The following IL1RAPL1 variants were observed in gnomAD, a reference collection of about 807,000 sequenced individuals.
IL1RAPL1 encodes interleukin 1 receptor accessory protein like 1.
In IL1RAPL1, 3 loss-of-function variants were observed where a neutral mutation model predicts 48.4. The observed-to-expected ratio is 0.06, with a 90% CI of 0.03 to 0.16. IL1RAPL1 has a LOEUF of 0.16. Ranked by LOEUF, IL1RAPL1 falls within the 10% of genes least tolerant of loss-of-function variation. The probability of loss-of-function intolerance (pLI) is 1.00; values close to 1 mark genes in which losing one functional copy is unlikely to be tolerated. For synonymous variants in IL1RAPL1, 185 were observed against 187.7 expected, an observed-to-expected ratio of 0.99 and a Z score of 0.12; for missense variants, 349 against 530.6, an observed-to-expected ratio of 0.66 and a Z score of 3.36.
chrX:29,294,878 GATGACTGTAAATA>G (rs1932426813), intron 3 of IL1RAPL1, among the ~76,000 whole-genome samples: 2 of 110,998 alleles, frequency 1.8e-5, no homozygotes, highest in South Asian at 3.8e-4. Flanking sequence ...TAGTTAGAAG[GATGACTGTAAATA>G]ATGGTAAAAA....
intron 2 of IL1RAPL1, among the ~76,000 whole-genome samples, chrX:28,898,501 A>G (rs1301221425): frequency 1.8e-5 from 2 of 110,382 alleles, no homozygotes; most frequent in East Asian, 5.7e-4. Context: ...TTTTTTTTAG[A>G]GCAAGGTTTT....
chrX:28,596,494 T>C (rs756530140), intron 1 of IL1RAPL1, among the ~76,000 whole-genome samples: 2 of 110,599 alleles, frequency 1.8e-5, no homozygotes, highest in Non-Finnish European at 3.8e-5. Flanking sequence ...ACTGATGTCA[T>C]GTGTCTGGGC....
At chrX:29,921,091 C>T (rs1223922920) in intron 8 of IL1RAPL1, among the ~76,000 whole-genome samples, 7 of 112,046 alleles carry the variant, frequency 6.2e-5, no homozygotes, top group Non-Finnish European at 1.1e-4. Context: ...ACCCCATCAC[C>T]TTTTGCATAG....
At chrX:29,116,526 G>T (rs1928681064) in intron 2 of IL1RAPL1, among the ~76,000 whole-genome samples, 1 of 111,637 alleles carries the variant, frequency 9.0e-6, no homozygotes, top group Non-Finnish European at 1.9e-5. Flanking sequence ...TTGAACCAAG[G>T]TTACTGAAAT....
At chrX:29,164,037 C>T (rs751377317) in intron 2 of IL1RAPL1, among the ~76,000 whole-genome samples, 15 of 111,383 alleles carry the variant, frequency 1.3e-4, no homozygotes, top group Non-Finnish European at 2.6e-4. Flanking sequence ...AGGTGAAAAA[C>T]ATAAATGTCT....
intron 2 of IL1RAPL1, among the ~76,000 whole-genome samples, chrX:29,276,385 T>TA (rs1459091805): frequency 8.9e-6 from 1 of 112,358 alleles, no homozygotes; most frequent in Non-Finnish European, 1.9e-5. Context: ...AGTTCTGAAG[T>TA]ACACTCAATT....
At chrX:29,744,542 G>A (rs1006087871) in intron 6 of IL1RAPL1, among the ~76,000 whole-genome samples, 4 of 111,753 alleles carry the variant, frequency 3.6e-5, no homozygotes, top group Admixed American at 9.6e-5. Context: ...TATTTGCTGG[G>A]TAATTATCAT....
At chrX:29,790,665 A>G (rs761901821) in intron 6 of IL1RAPL1, among the ~76,000 whole-genome samples, 3 of 111,634 alleles carry the variant, frequency 2.7e-5, no homozygotes, top group Non-Finnish European at 3.8e-5. Flanking sequence ...TTCCTCTCCT[A>G]CTGCCTCTGA....
rs139503485 is a variant in IL1RAPL1, at chrX:29,197,001, T to C, written c.83-85937T>C. Among the ~76,000 whole-genome samples the C allele has an allele frequency of 3.4e-3, 380 of 110,638 alleles. 15 individuals carry two copies. In the East Asian group the frequency reaches 0.075, roughly 22 times the overall value. On this transcript the variant is annotated intron_variant, in intron 2 of 10. Transcript: ENST00000378993. ...TCCTGCTCAAACCCAACTTCATCTT[T>C]TTCTTTTAGATACGATTTTAGGATT...
At chrX:29,384,697 G>A (rs751090849) in intron 3 of IL1RAPL1, among the ~76,000 whole-genome samples, 34 of 112,655 alleles carry the variant, frequency 3.0e-4, no homozygotes, top group Non-Finnish European at 5.3e-4. Context: ...GTAAGCCCAT[G>A]ATGTTTCAAA....
intron 5 of IL1RAPL1, among the ~76,000 whole-genome samples, chrX:29,655,444 C>T (rs1925647954): frequency 9.0e-6 from 1 of 110,830 alleles, no homozygotes; most frequent in South Asian, 3.9e-4. Flanking sequence ...GGGTGGATCA[C>T]CTGAGGACAG....
chrX:29,029,963 T>C (rs1926580727), intron 2 of IL1RAPL1, among the ~76,000 whole-genome samples: 1 of 108,469 alleles, frequency 9.2e-6, no homozygotes, highest in Non-Finnish European at 1.9e-5. Flanking sequence ...TTTTGGCTTG[T>C]GGATGTCCAA....
At chrX:28,953,981 C>G (rs745347252) in intron 2 of IL1RAPL1, among the ~76,000 whole-genome samples, 35 of 111,226 alleles carry the variant, frequency 3.1e-4, no homozygotes, top group Non-Finnish European at 5.5e-4. Flanking sequence ...AGTGTAGTTT[C>G]ACTACTACAT....
At chrX:29,279,506 C>CT (rs1932169082) in intron 2 of IL1RAPL1, among the ~76,000 whole-genome samples, 1 of 111,202 alleles carries the variant, frequency 9.0e-6, no homozygotes, top group Admixed American at 9.6e-5. Flanking sequence ...TGTTTACCAT[C>CT]TTTTCCCAGG....
intron 1 of IL1RAPL1, among the ~76,000 whole-genome samples, chrX:28,653,648 G>A (rs1224893920): frequency 1.8e-5 from 2 of 111,548 alleles, no homozygotes; most frequent in Non-Finnish European, 3.8e-5. Context: ...CATGACTTGG[G>A]ATTCAGAAAG....
At chrX:29,941,148 C>G (rs994356155) in intron 8 of IL1RAPL1, among the ~76,000 whole-genome samples, 2 of 111,934 alleles carry the variant, frequency 1.8e-5, no homozygotes, top group African/African-American at 6.5e-5. Context: ...TTCTTTGGCC[C>G]CCAACCCACA....
intron 2 of IL1RAPL1, among the ~76,000 whole-genome samples, chrX:29,192,787 A>G (rs1930376000): frequency 9.0e-6 from 1 of 111,620 alleles, no homozygotes; most frequent in Non-Finnish European, 1.9e-5. Flanking sequence ...CATAAAAACT[A>G]TTGGATATGT....
chrX:28,909,480 A>G (rs1923304538), intron 2 of IL1RAPL1, among the ~76,000 whole-genome samples: 1 of 111,511 alleles, frequency 9.0e-6, no homozygotes, highest in African/African-American at 3.2e-5. Context: ...TAAACTTAGA[A>G]CATTTCATTA....
intron 2 of IL1RAPL1, among the ~76,000 whole-genome samples, chrX:29,125,874 T>TAA (rs5901911): frequency 0.19 from 19,349 of 101,597 alleles, 1,805 homozygotes; most frequent in East Asian, 0.45. Flanking sequence ...CTGAAATGGT[T>TAA]AAAAAAAAAA....
Sources: allele counts gnomAD v4.1 joint callset (sites outside exome capture counted in the v4.1 genomes callset), GRCh38; gene constraint gnomAD v4.1.1; transcripts MANE v1.5; gene names NCBI Gene and HGNC (gene_info 2026-07-23, HGNC 2026-07-21).